The following CACNA2D4 variants were observed in gnomAD, a reference collection of about 807,000 sequenced individuals.
CACNA2D4 encodes calcium voltage-gated channel auxiliary subunit alpha2delta 4.
Under a neutral mutation model 163.8 loss-of-function variants are expected in CACNA2D4, and 157 were observed. That is an observed-to-expected ratio of 0.96 (90% CI 0.84 to 1.09). The LOEUF is 1.09. CACNA2D4 is among the 50% of genes least tolerant of loss of function. The pLI is 0.00. For synonymous variants in CACNA2D4, 598 were observed against 586.9 expected (o/e 1.02, Z -0.27); for missense variants, 1,410 against 1,479.9 (o/e 0.95, Z 0.78).
At chr12:1,818,360 C>G (rs538647590) in intron 26 of CACNA2D4, among the ~76,000 whole-genome samples, 1 of 151,822 alleles carries the variant, frequency 6.6e-6, no homozygotes, top group African/African-American at 2.4e-5. Context: ...ATTGAGAAAT[C>G]GGATGGTTGC....
Position 1,898,677 on chromosome 12 carries a change from CTG to C in CACNA2D4, c.781+8761_781+8762del, listed in dbSNP as rs148994217. 2.6e-3 allele frequency among the ~76,000 whole-genome samples: 384 copies of C among 148,712 alleles called. 2 individuals carry two copies. The highest frequency in any genetic ancestry group is 6.1e-3 in the East Asian group (31 of 5,108). Reference sequence around the variant, plus strand: ...TGCATCCTTTTACATTCCCACAACTCTGTGTGTGTGTGTGTGTGTGTGTATGT... The same window carrying C: ...TGCATCCTTTTACATTCCCACAACTCTGTGTGTGTGTGTGTGTGTGTATGT... On this transcript the variant is annotated intron_variant, in intron 6 of 37. Transcript: ENST00000382722.
At position 1,907,567 on chromosome 12, in the gene CACNA2D4, T is replaced by C. The variant is rs1300690095; in HGVS notation, c.654A>G (p.Pro218=). 6.2e-7 allele frequency: 1 copy of C among 1,612,506 alleles called. No individual in the cohort carries two copies. ...QLPTNVYNKD[P]DILNGVYMSE... is the part of the protein sequence containing the mutation. ...ACATGTAGACTCCATTTAAAATATC[T>C]GGGTCTGAAGGGTGAGACTATAGAT... Residue 218 remains proline, a synonymous_variant, in exon 6 of 38, where the codon CCA becomes CCG. Coordinates refer to ENST00000382722, the MANE Select transcript of CACNA2D4 (RefSeq NM_172364.5).
At position 1,844,533 on chromosome 12, in the gene CACNA2D4, CAAGG is replaced by C; in HGVS notation, c.2343-8_2343-5del. 1 of 1,611,922 alleles carries C rather than the reference CAAGG, an allele frequency of 6.2e-7. No homozygotes were observed. The highest frequency in any genetic ancestry group is 8.5e-7 in the Non-Finnish European group (1 of 1,178,816). ...GTCCTCAGGTGTCAGGAACTTCCTG[CAAGG>C]AGGAAGATGTGGTACCTCTCCCCAG... is the stretch of plus-strand genomic sequence containing the variant. On this transcript the variant is annotated splice_region_variant and splice_polypyrimidine_tract_variant and intron_variant, in intron 24 of 37. Coordinates refer to ENST00000382722, the MANE Select transcript of CACNA2D4 (RefSeq NM_172364.5). The surrounding 1 kb of genome is among the most constrained non-coding windows in gnomAD (Gnocchi z 4.2).
chr12:1,842,897 C>T (rs980154307), intron 25 of CACNA2D4, among the ~76,000 whole-genome samples: 9 of 152,114 alleles, frequency 5.9e-5, no homozygotes, highest in African/African-American at 2.2e-4. Context: ...TGGGCTTGCA[C>T]TGGTAATAAA....
At chr12:1,896,640 C>CACAA (rs1555186434) in intron 6 of CACNA2D4, among the ~76,000 whole-genome samples, 34 of 112,958 alleles carry the variant, frequency 3.0e-4, no homozygotes, top group African/African-American at 1.1e-3. Context: ...CACACACACA[C>CACAA]ACACACACAC....
intron 4 of CACNA2D4, 33 bp downstream of exon 4, chr12:1,909,873 C>A (rs774093305): frequency 6.2e-7 from 1 of 1,602,444 alleles, no homozygotes; most frequent in Non-Finnish European, 8.5e-7. Context: ...GCGATCCTGG[C>A]CCTCTGGCAC....
chr12:1,918,528 G>C lies in CACNA2D4; in HGVS notation c.-55C>G. The C allele has an allele frequency of 1.3e-5, 18 of 1,419,354 alleles. No homozygotes were observed. In the South Asian group the frequency reaches 2.3e-4, roughly 18 times the overall value. 87.9% of individuals were successfully genotyped at this position (1,419,354 alleles called of 1,614,324 possible). On this transcript the variant is annotated 5_prime_UTR_variant, in exon 1 of 38. Transcript: ENST00000382722. ...AGGACGCCCCAGGCCTTTGTCTTCC[G>C]TGCCTTGGCGAGCCTGGGGTCTCCA...
chr12:1,871,495 ATG>A (rs1435627721), intron 18 of CACNA2D4, among the ~76,000 whole-genome samples: 9 of 141,624 alleles, frequency 6.4e-5, no homozygotes, highest in East Asian at 2.2e-4. Flanking sequence ...GCATATGTAC[ATG>A]TGTGTGTTGC....
intron 19 of CACNA2D4, among the ~76,000 whole-genome samples, chr12:1,859,515 A>G (rs1865476793): frequency 6.6e-6 from 1 of 152,220 alleles, no homozygotes; most frequent in Admixed American, 6.5e-5. Flanking sequence ...TAATACCTAG[A>G]GCCAAATATT....
At chr12:1,830,465 G>A (rs1321995990) in intron 26 of CACNA2D4, among the ~76,000 whole-genome samples, 1 of 152,238 alleles carries the variant, frequency 6.6e-6, no homozygotes, top group Admixed American at 6.5e-5. Context: ...CATTTTCCCT[G>A]GGAAACAAAC....
At position 1,840,740 on chromosome 12, in the gene CACNA2D4, T is replaced by C; in HGVS notation, c.2550A>G (p.Ala850=). The C allele has an allele frequency of 1.9e-6, 3 of 1,613,338 alleles. No homozygotes were observed. Among genetic ancestry groups the C allele is most frequent in the Non-Finnish European group, 1.7e-6 (2 of 1,179,414 alleles). Residue 850 remains alanine, a splice_region_variant and synonymous_variant, in exon 26 of 38, where the codon GCA becomes GCG. Transcript: ENST00000382722. ...VTVDKRTAIA[A]AAGVQMKLEF... ...CAACACCACAAGGGCCGTTCCTACC[T>C]GCAGCAATGGCTGTCCTCTTGTCCA...
chr12:1,909,978 A>G lies in CACNA2D4; in HGVS notation c.427-13T>C, dbSNP rs1866775833. The G allele has an allele frequency of 6.2e-7, 1 of 1,612,612 alleles. No homozygotes were observed. Among genetic ancestry groups the G allele is most frequent in the African/African-American group, 1.3e-5 (1 of 75,032 alleles). The stretch of plus-strand genomic sequence containing the variant: ...CTTCCACCAGATTCTGAGGGATGGG[A>G]ACACAGAGGTAGGGAGAATGGGTAA... On this transcript the variant is annotated splice_polypyrimidine_tract_variant and intron_variant, in intron 3 of 37. Coordinates refer to ENST00000382722, the MANE Select transcript of CACNA2D4 (RefSeq NM_172364.5).
chr12:1,849,143 C>A (rs1299853891), intron 23 of CACNA2D4, among the ~76,000 whole-genome samples: 1 of 152,142 alleles, frequency 6.6e-6, no homozygotes, highest in African/African-American at 2.4e-5. Context: ...CATTGAAAGT[C>A]CGAAGTCTGG....
intron 26 of CACNA2D4, among the ~76,000 whole-genome samples, chr12:1,819,001 T>TAAA (rs34331462): frequency 5.5e-5 from 7 of 127,564 alleles, no homozygotes; most frequent in Non-Finnish European, 6.6e-5. Flanking sequence ...CTAAAAAAAT[T>TAAA]AAAAAAAAAA....
intron 18 of CACNA2D4, among the ~76,000 whole-genome samples, chr12:1,868,721 T>C (rs1351415061): frequency 6.6e-6 from 1 of 152,044 alleles, no homozygotes; most frequent in Non-Finnish European, 1.5e-5. Context: ...ACTTTGTATA[T>C]CAAGATAAGT....
chr12:1,914,761 T>C, intron 2 of CACNA2D4, 93 bp downstream of exon 2: 1 of 798,540 alleles, frequency 1.3e-6, no homozygotes, highest in South Asian at 1.5e-5. Context: ...TTTGATGGGA[T>C]GCCCAAGGCC....
rs894512572 is a variant in CACNA2D4, at chr12:1,844,848, G to A, written c.2343-319C>T. Among the ~76,000 whole-genome samples, 2 of 152,160 alleles carry A rather than the reference G, an allele frequency of 1.3e-5. No individual in the cohort carries two copies. The highest frequency in any genetic ancestry group is 4.8e-5 in the African/African-American group (2 of 41,420). ...CAATTTCTTCTTGTCTGGCTCGTTG[G>A]CACGTCTGAGGGAGGAAGCTGTAGT... On this transcript the variant is annotated intron_variant, in intron 24 of 37. Transcript: ENST00000382722. The surrounding 1 kb of genome is among the most constrained non-coding windows in gnomAD (Gnocchi z 4.2).
At chr12:1,892,618 T>C (rs1351643600) in intron 6 of CACNA2D4, among the ~76,000 whole-genome samples, 1 of 152,030 alleles carries the variant, frequency 6.6e-6, no homozygotes, top group African/African-American at 2.4e-5. Flanking sequence ...ATTAATACAA[T>C]GACAGGAATA....
chr12:1,849,430 C>T (rs887341882), intron 23 of CACNA2D4, among the ~76,000 whole-genome samples: 1 of 152,192 alleles, frequency 6.6e-6, no homozygotes, highest in Non-Finnish European at 1.5e-5. Flanking sequence ...TTACTGAGGA[C>T]TGCTTAACAT....
Sources: allele counts gnomAD v4.1 joint callset (sites outside exome capture counted in the v4.1 genomes callset), GRCh38; gene constraint gnomAD v4.1.1; non-coding constraint Gnocchi (gnomAD v3.1); transcripts MANE v1.5; gene names NCBI Gene and HGNC (gene_info 2026-07-23, HGNC 2026-07-21).